The following POC1A variants were observed in gnomAD, a reference collection of about 807,000 sequenced individuals.
The protein encoded by POC1A is POC1 centriolar protein A, also known as POC1 centriolar protein homolog A.
Under a neutral mutation model 47.8 loss-of-function variants are expected in POC1A, and 34 were observed. The observed-to-expected ratio is 0.71, with a 90% CI of 0.54 to 0.95. The LOEUF (loss-of-function observed/expected upper bound fraction) is 0.95. POC1A is among the 40% of genes least tolerant of loss of function. The pLI is 0.00. For synonymous variants in POC1A, 177 were observed against 207.6 expected (o/e 0.85, Z 1.27); for missense variants, 466 against 528.3 (o/e 0.88, Z 1.16).
At chr3:52,149,691 T>G (rs145655285) in intron 3 of POC1A, 125 bp downstream of exon 3, 1 of 934,482 alleles carries the variant, frequency 1.1e-6, no homozygotes, top group South Asian at 1.6e-5. Context: ...TGATGGCACC[T>G]CTTCCAAAGC....
intron 7 of POC1A, among the ~76,000 whole-genome samples, chr3:52,134,392 G>T (rs1308443973): frequency 6.6e-6 from 1 of 152,232 alleles, no homozygotes; most frequent in Non-Finnish European, 1.5e-5. Context: ...AGCACTTTGG[G>T]AGGCTGAGGC....
intron 10 of POC1A, among the ~76,000 whole-genome samples, chr3:52,086,986 G>T (rs1702477717): frequency 6.6e-6 from 1 of 152,226 alleles, no homozygotes; most frequent in Non-Finnish European, 1.5e-5. Flanking sequence ...GCCAGCCCAG[G>T]TCCCCCAGGC....
intron 9 of POC1A, among the ~76,000 whole-genome samples, chr3:52,116,370 G>A (rs138048864): frequency 6.6e-4 from 100 of 152,350 alleles, no homozygotes; most frequent in African/African-American, 2.3e-3. Flanking sequence ...CGGCACGGAT[G>A]AGGCTCAGTT....
At position 52,149,964 on chromosome 3, in the gene POC1A, G is replaced by C; in HGVS notation, c.127C>G (p.Leu43Val). 1 of 1,613,648 alleles carries C rather than the reference G, an allele frequency of 6.2e-7. No individual in the cohort carries two copies. The highest frequency in any genetic ancestry group is 8.5e-7 in the Non-Finnish European group (1 of 1,179,956). The change falls in exon 3 of 11, where the codon CTC becomes GTC. Residue 43 changes from leucine (L) to valine (V), a missense_variant. Transcript: ENST00000296484. ...QLASGSMDSCLMVWHMKPQSR... is the reference protein window; with the variant it reads ...QLASGSMDSCVMVWHMKPQSR... ...TGCGGCTTCATGTGCCAGACCATGAGGCATGAGTCCATGGAGCCACTGGCT... is the reference window on the plus strand; with the variant it reads ...TGCGGCTTCATGTGCCAGACCATGACGCATGAGTCCATGGAGCCACTGGCT...
chr3:52,081,290 G>C (rs762573364), intron 10 of POC1A, among the ~76,000 whole-genome samples: 3 of 152,152 alleles, frequency 2.0e-5, no homozygotes, highest in Non-Finnish European at 4.4e-5. Context: ...GAGGCTGTAT[G>C]GTCCACAAAG....
At chr3:52,153,898 G>A (rs1232872234) in intron 1 of POC1A, among the ~76,000 whole-genome samples, 1 of 152,268 alleles carries the variant, frequency 6.6e-6, no homozygotes, top group Non-Finnish European at 1.5e-5. Context: ...CTGGAGGAAT[G>A]TGAACTCAGA....
chr3:52,079,050 G>A lies in POC1A; in HGVS notation c.1126-3065C>T, dbSNP rs1163956086. 6.6e-6 allele frequency among the ~76,000 whole-genome samples: 1 copy of A among 152,250 alleles called. No individual in the cohort carries two copies. The highest frequency in any genetic ancestry group is 2.4e-5 in the African/African-American group (1 of 41,472). ...TTCCCCAGCTGCACGGGAGCTGTGGGAGGAGGGCAGGAGAGCATCTGAGGT... is the reference window on the plus strand; with the variant it reads ...TTCCCCAGCTGCACGGGAGCTGTGGAAGGAGGGCAGGAGAGCATCTGAGGT... On this transcript the variant is annotated intron_variant, in intron 10 of 10. Coordinates refer to ENST00000296484, the MANE Select transcript of POC1A (RefSeq NM_015426.5). The surrounding 1 kb of genome is among the most constrained non-coding windows in gnomAD (Gnocchi z 4.6).
chr3:52,075,592 C>T lies in POC1A; in HGVS notation c.*295G>A, dbSNP rs1702092417. On this transcript the variant is annotated 3_prime_UTR_variant, in exon 11 of 11. Coordinates refer to ENST00000296484, the MANE Select transcript of POC1A (RefSeq NM_015426.5). ...AGGGGGAGCCACAATCTCAGGACCC[C>T]GAAGGAGCAGACATTTTCAAGTGGC... 1.6e-5 allele frequency: 4 copies of T among 246,628 alleles called. 1 individual carries two copies. Among genetic ancestry groups the T allele is most frequent in the South Asian group, 1.4e-4 (2 of 14,240 alleles). 15.3% of individuals were successfully genotyped at this position (246,628 alleles called of 1,614,324 possible). A position where few individuals can be genotyped will look rare whatever the true frequency, so the allele number is the denominator to read the frequency against.
chr3:52,086,741 T>C (rs1045815533), intron 10 of POC1A, among the ~76,000 whole-genome samples: 4 of 152,262 alleles, frequency 2.6e-5, no homozygotes, highest in Non-Finnish European at 4.4e-5. Flanking sequence ...CCTAATGGTC[T>C]GCAGCTCAGG....
rs1440967413 is a variant in POC1A at position 52,084,926 on chromosome 3, C to A, written c.1126-8941G>T. Among the ~76,000 whole-genome samples, 2 of 152,244 alleles carry A rather than the reference C, an allele frequency of 1.3e-5. No individual in the cohort carries two copies. The highest frequency in any genetic ancestry group is 2.9e-5 in the Non-Finnish European group (2 of 68,046). ...GGCATGTGTCCCACCAAGCACTCTGCCTGGGCTGGGGACACAGTGGCAAGG... is the reference window on the plus strand; with the variant it reads ...GGCATGTGTCCCACCAAGCACTCTGACTGGGCTGGGGACACAGTGGCAAGG... On this transcript the variant is annotated intron_variant, in intron 10 of 10. Coordinates refer to ENST00000296484, the MANE Select transcript of POC1A (RefSeq NM_015426.5). This position sits in a 1 kb window ranked among gnomAD's most constrained non-coding sequence, Gnocchi z 4.3.
rs1274896786 is a variant in POC1A at position 52,090,847 on chromosome 3, G to A, written c.1125+5722C>T. 6.6e-6 allele frequency among the ~76,000 whole-genome samples: 1 copy of A among 152,068 alleles called. No homozygotes were observed. Among genetic ancestry groups the A allele is most frequent in the Non-Finnish European group, 1.5e-5 (1 of 68,010 alleles). ...GAGTCCTCCAGGGGTGCTCAGAATG[G>A]AGGAGCCTGGCCTGGGGGGCAGGCA... On this transcript the variant is annotated intron_variant, in intron 10 of 10. Coordinates refer to ENST00000296484, the MANE Select transcript of POC1A (RefSeq NM_015426.5). The surrounding 1 kb of genome is among the most constrained non-coding windows in gnomAD (Gnocchi z 4.2).
rs754858565 is a variant in POC1A, at chr3:52,154,352, T to C, written c.18+3A>G. On this transcript the variant is annotated splice_donor_region_variant and intron_variant, in intron 1 of 10. Coordinates refer to ENST00000296484, the MANE Select transcript of POC1A (RefSeq NM_015426.5). ...CTGGGGAGTTGCTCTCGGCTGGGCT[T>C]ACCGCGCAGGGCGCAGCCATGGCGG... 2.3e-5 allele frequency: 35 copies of C among 1,550,670 alleles called. No homozygotes were observed. The highest frequency in any genetic ancestry group is 2.9e-5 in the Non-Finnish European group (34 of 1,153,300).
Position 52,134,080 on chromosome 3 carries a change from C to G in POC1A, c.813+4089G>C, listed in dbSNP as rs368494384. On this transcript the variant is annotated intron_variant, in intron 7 of 10. Coordinates refer to ENST00000296484, the MANE Select transcript of POC1A (RefSeq NM_015426.5). ...TGTAGCAGCAAGATGGGGACACAAG[C>G]CGACATAAGCCTGCTGGTACCCTAC... Among the ~76,000 whole-genome samples the G allele has an allele frequency of 1.8e-4, 27 of 152,274 alleles. 1 individual carries two copies. The South Asian group carries it at 5.2e-3, about 29-fold the overall frequency.
At chr3:52,088,875 C>G (rs936460532) in intron 10 of POC1A, among the ~76,000 whole-genome samples, 1 of 149,922 alleles carries the variant, frequency 6.7e-6, no homozygotes, top group Non-Finnish European at 1.5e-5. Context: ...CAGCCCTCCC[C>G]CAGCCCTCCC....
At chr3:52,101,295 T>G (rs1306945747) in intron 9 of POC1A, among the ~76,000 whole-genome samples, 5 of 152,062 alleles carry the variant, frequency 3.3e-5, no homozygotes, top group African/African-American at 9.6e-5. Context: ...AACACTAAAC[T>G]AAGCTCAACT....
intron 9 of POC1A, among the ~76,000 whole-genome samples, chr3:52,115,659 G>T (rs958607577): frequency 6.6e-6 from 1 of 152,118 alleles, no homozygotes; most frequent in Non-Finnish European, 1.5e-5. Flanking sequence ...GTGCCCTTAT[G>T]AAAGAGACCC....
chr3:52,130,660 A>G (rs1017379014), intron 7 of POC1A, among the ~76,000 whole-genome samples: 10 of 152,166 alleles, frequency 6.6e-5, no homozygotes, highest in Non-Finnish European at 1.0e-4. Context: ...GACCCTCCTG[A>G]GCATCAAAAC....
intron 1 of POC1A, 175 bp from the exon 2 acceptor site, chr3:52,151,275 T>A: frequency 6.9e-6 from 6 of 865,156 alleles, no homozygotes; most frequent in Non-Finnish European, 9.8e-6. Flanking sequence ...AGGAATAGTT[T>A]TTACTATTTG....
rs1022707241 is a variant in POC1A, at chr3:52,079,887, C to T, written c.1126-3902G>A. Among the ~76,000 whole-genome samples, 17 of 152,186 alleles carry T rather than the reference C, an allele frequency of 1.1e-4. No individual in the cohort carries two copies. The highest frequency in any genetic ancestry group is 3.6e-4 in the African/African-American group (15 of 41,424). ...CTTGGAGAAACCAGGCAGCTCATTC[C>T]CTTTCCTTGGACCTGGTGCTACCCT... On this transcript the variant is annotated intron_variant, in intron 10 of 10. Coordinates refer to ENST00000296484, the MANE Select transcript of POC1A (RefSeq NM_015426.5). This position sits in a 1 kb window ranked among gnomAD's most constrained non-coding sequence, Gnocchi z 4.6.
Sources: allele counts gnomAD v4.1 joint callset (sites outside exome capture counted in the v4.1 genomes callset), GRCh38; gene constraint gnomAD v4.1.1; non-coding constraint Gnocchi (gnomAD v3.1); transcripts MANE v1.5; gene names NCBI Gene and HGNC (gene_info 2026-07-23, HGNC 2026-07-21).